LRRC63: variants seen among roughly 807,000 people sequenced by gnomAD.
LRRC63 encodes leucine rich repeat containing 63.
In LRRC63, 40 loss-of-function variants were observed where a neutral mutation model predicts 49.5. The ratio of observed to expected loss-of-function variants is 0.81; its 90% CI spans 0.63 to 1.05. The LOEUF (loss-of-function observed/expected upper bound fraction) is 1.05, where lower values mean the gene tolerates loss of function less well. Ranked by LOEUF, LRRC63 falls within the 50% of genes least tolerant of loss-of-function variation. LRRC63 has a pLI of 0.00. For synonymous variants in LRRC63, 191 were observed against 221.1 expected, an observed-to-expected ratio of 0.86 and a Z score of 1.21; for missense variants, 636 against 663.1, an observed-to-expected ratio of 0.96 and a Z score of 0.45.
At chr13:46,272,362 G>A (rs532221018) in intron 9 of LRRC63, among the ~76,000 whole-genome samples, 14 of 152,242 alleles carry the variant, frequency 9.2e-5, no homozygotes, top group South Asian at 2.1e-4. Flanking sequence ...CATGAATGAC[G>A]ATATACAGAT....
intron 2 of LRRC63, 151 bp from the exon 3 acceptor site, chr13:46,227,361 C>T: frequency 3.7e-6 from 2 of 544,972 alleles, no homozygotes; most frequent in South Asian, 3.2e-5. Context: ...GTCATGTCAA[C>T]ACACATCCTG....
chr13:46,238,378 C>T (rs2046961944), intron 5 of LRRC63, among the ~76,000 whole-genome samples: 1 of 152,020 alleles, frequency 6.6e-6, no homozygotes, highest in African/African-American at 2.4e-5. Context: ...ACCATGTAAT[C>T]GAACACAAAA....
chr13:46,240,131 T>C (rs866485762), intron 5 of LRRC63, among the ~76,000 whole-genome samples: 2,930 of 131,332 alleles, frequency 0.022, 97 homozygotes, highest in African/African-American at 0.099. Flanking sequence ...TTTTTCTTTT[T>C]TTTTTTTTTT....
At chr13:46,235,476 G>A (rs542816156) in intron 5 of LRRC63, among the ~76,000 whole-genome samples, 2 of 152,204 alleles carry the variant, frequency 1.3e-5, no homozygotes, top group Admixed American at 1.3e-4. Context: ...TAGTAGATGT[G>A]ATCAGGCAGA....
chr13:46,257,455 T>C (rs650420), intron 7 of LRRC63, among the ~76,000 whole-genome samples: 80,393 of 152,078 alleles, frequency 0.53, 24,674 homozygotes, highest in African/African-American at 0.85. Flanking sequence ...CAAACTAAAA[T>C]AAAACCAGTC....
At chr13:46,243,106 C>G (rs1309381640) in intron 5 of LRRC63, among the ~76,000 whole-genome samples, 1 of 152,114 alleles carries the variant, frequency 6.6e-6, no homozygotes, top group African/African-American at 2.4e-5. Context: ...ACAACAATTG[C>G]AACAGCTGGT....
At chr13:46,225,031 G>T (rs563744986) in intron 2 of LRRC63, among the ~76,000 whole-genome samples, 1 of 152,316 alleles carries the variant, frequency 6.6e-6, no homozygotes, top group South Asian at 2.1e-4. Context: ...GCCTTAGGTG[G>T]TTTGCATGGA....
intron 2 of LRRC63, among the ~76,000 whole-genome samples, chr13:46,215,260 C>G (rs1189439131): frequency 1.3e-5 from 2 of 152,212 alleles, no homozygotes; most frequent in Admixed American, 6.5e-5. Context: ...TTCTCCACAG[C>G]CTTGCCAGCA....
At chr13:46,270,502 C>A in intron 9 of LRRC63, 1 of 783,726 alleles carries the variant, frequency 1.3e-6, no homozygotes, top group Non-Finnish European at 2.3e-6. Context: ...CTGAAGGCTA[C>A]ATTGCAGTTG....
chr13:46,225,332 G>C (rs530050959), intron 2 of LRRC63, among the ~76,000 whole-genome samples: 3 of 152,326 alleles, frequency 2.0e-5, no homozygotes, highest in Non-Finnish European at 4.4e-5. Context: ...ACACTGTGAG[G>C]TTGTAGTCAC....
At chr13:46,250,255 A>G (rs2047341358) in intron 6 of LRRC63, 100 bp from the exon 7 acceptor site, 4 of 1,052,924 alleles carry the variant, frequency 3.8e-6, no homozygotes, top group Non-Finnish European at 5.4e-6. Flanking sequence ...TGTTGCTATA[A>G]TGATTCTACA....
chr13:46,230,113 T>C (rs1239227117), intron 4 of LRRC63, among the ~76,000 whole-genome samples: 1 of 152,118 alleles, frequency 6.6e-6, no homozygotes, highest in East Asian at 1.9e-4. Flanking sequence ...GGGAGTTACA[T>C]TTCAATATGA....
At chr13:46,270,365 C>T (rs767760372) in intron 9 of LRRC63, 1 of 869,906 alleles carries the variant, frequency 1.1e-6, no homozygotes. Context: ...AGAACTTGCA[C>T]CTCTCTGTAA....
exon 3 of LRRC63, chr13:46,227,829 A>G (rs1168466194): frequency 1.3e-6 from 2 of 1,549,928 alleles, no homozygotes; most frequent in African/African-American, 1.4e-5. Flanking sequence ...AAGAAAGTTT[A>G]AAACTATGAA....
At chr13:46,227,822 A>G in exon 3 of LRRC63, 1 of 1,550,104 alleles carries the variant, frequency 6.5e-7, no homozygotes, top group Non-Finnish European at 8.7e-7. Context: ...AAAGTTCAAG[A>G]AAGTTTAAAA....
intron 1 of LRRC63, among the ~76,000 whole-genome samples, 155 bp downstream of exon 1, chr13:46,212,414 C>A (rs191061935): frequency 1.3e-5 from 2 of 152,288 alleles, no homozygotes; most frequent in African/African-American, 4.8e-5. Context: ...GAGTTGGGAT[C>A]CAGCAGCCCT....
chr13:46,228,630 T>C, intron 3 of LRRC63, 35 bp from the exon 4 acceptor site: 1 of 1,269,820 alleles, frequency 7.9e-7, no homozygotes, highest in South Asian at 1.3e-5. Context: ...TTTACAAATA[T>C]CCAAAGTCAT....
rs1291247808 is a variant in LRRC63 at position 46,250,607 on chromosome 13, T to G, written c.1226+116T>G. ...TTTGGCTATTTAGTAATTTGTATTC[T>G]ATTCTAATTAGCTAATACGCTTCTT... On this transcript the variant is annotated intron_variant, in intron 7 of 9. Transcript: ENST00000595396. 6.0e-6 allele frequency: 5 copies of G among 833,684 alleles called. No homozygotes were observed. The African/African-American group carries it at 8.6e-5, about 14-fold the overall frequency. The allele number at this position is 833,684 out of a possible 1,614,324, so 51.6% of individuals were successfully genotyped here. A position where few individuals can be genotyped will look rare whatever the true frequency, so the allele number is the denominator to read the frequency against.
intron 5 of LRRC63, among the ~76,000 whole-genome samples, chr13:46,244,922 A>T (rs990837285): frequency 3.3e-5 from 5 of 152,212 alleles, no homozygotes; most frequent in African/African-American, 1.2e-4. Context: ...GAGATTGTCA[A>T]ACTGGCTAAT....
Sources: allele counts gnomAD v4.1 joint callset (sites outside exome capture counted in the v4.1 genomes callset), GRCh38; gene constraint gnomAD v4.1.1; transcripts MANE v1.5; gene names NCBI Gene and HGNC (gene_info 2026-07-23, HGNC 2026-07-21).